R3HDM1: variants seen among roughly 807,000 people sequenced by gnomAD.
R3HDM1 encodes the protein R3H domain containing 1.
Under a neutral mutation model 141.1 loss-of-function variants are expected in R3HDM1, and 46 were observed. The ratio of observed to expected loss-of-function variants is 0.33; its 90% CI spans 0.26 to 0.42. The LOEUF (loss-of-function observed/expected upper bound fraction) is 0.42, where lower values mean the gene tolerates loss of function less well. Ranked by LOEUF, R3HDM1 falls within the 10% of genes least tolerant of loss-of-function variation. R3HDM1 has a pLI of 1.00. For synonymous variants in R3HDM1, 435 were observed against 472.9 expected (o/e 0.92, Z 1.04); for missense variants, 1,184 against 1,368.3 (o/e 0.87, Z 2.12).
rs752980080 is a variant in R3HDM1 at position 135,604,853 on chromosome 2, T to A, written c.8T>A (p.Met3Lys). The part of the protein sequence containing the change: MR[M>K]SDTVTVKDET... ...CGAAAATAACCTTTTCTAATGAGGA[T>A]GTCTGATACTGTTACTGTAAAAGAT... Residue 3 changes from methionine to lysine, a missense_variant, in exon 3 of 27, where the codon ATG (methionine) becomes AAG (lysine). By Grantham distance (95) the Met-to-Lys change is moderately conservative. Around this residue, in one of 5 missense-constraint regions of R3HDM1, gnomAD observed 192 missense variants for 215.7 expected, o/e 0.89. Transcript: ENST00000683871. 4 of 1,612,158 alleles carry A rather than the reference T, an allele frequency of 2.5e-6. 1 individual carries two copies. In the South Asian group the frequency reaches 4.4e-5, roughly 18 times the overall value.
At position 135,648,016 on chromosome 2, in the gene R3HDM1, A is replaced by G. The variant is rs1193364986; in HGVS notation, c.1624-1886A>G. Among the ~76,000 whole-genome samples the G allele has an allele frequency of 2.0e-5, 3 of 152,208 alleles. No individual in the cohort carries two copies. In the East Asian group the frequency reaches 5.8e-4, roughly 29 times the overall value. On this transcript the variant is annotated intron_variant, in intron 16 of 26. Transcript: ENST00000683871. ...CCCAGCTGACTAAAACTTTTGTTTC[A>G]TCTGACACATAGGAGATCAAGTCAT...
intron 9 of R3HDM1, 68 bp downstream of exon 9, chr2:135,632,069 C>T (rs1421870488): frequency 1.6e-6 from 2 of 1,236,986 alleles, no homozygotes; most frequent in Non-Finnish European, 2.1e-6. Context: ...TCTATATTAC[C>T]TTTCATCTGA....
chr2:135,671,905 G>A (rs1424085367), intron 19 of R3HDM1, among the ~76,000 whole-genome samples: 1 of 151,904 alleles, frequency 6.6e-6, no homozygotes, highest in East Asian at 1.9e-4. Context: ...AAACCCAGGA[G>A]GTGGAGGTTG....
intron 1 of R3HDM1, among the ~76,000 whole-genome samples, chr2:135,531,988 T>TCCGAGTCCCTGCCATGGCTGCTGCTGCTG (rs1694895775): frequency 6.6e-6 from 1 of 152,158 alleles, no homozygotes; most frequent in African/African-American, 2.4e-5. Context: ...GGGAAAGGTT[T>TCCGAGTCCCTGCCATGGCTGCTGCTGCTG]CCGAGTCCCT....
chr2:135,568,750 A>G (rs2104986440), intron 1 of R3HDM1: 1 of 152,324 alleles, frequency 6.6e-6, no homozygotes, highest in Middle Eastern at 3.4e-3. Flanking sequence ...AAACACTTCT[A>G]TTCATAGGGC....
chr2:135,652,389 A>G (rs1270252560), intron 18 of R3HDM1, among the ~76,000 whole-genome samples: 3 of 152,220 alleles, frequency 2.0e-5, no homozygotes, highest in African/African-American at 7.2e-5. Context: ...GCACTTTGTG[A>G]GGCTGAGGCT....
Position 135,604,648 on chromosome 2 carries a change from G to A in R3HDM1, c.-40-158G>A, listed in dbSNP as rs2059900702. ...TGTATTGTGATCTTTTTTTTAATTTGGATGTATCTAGCACAAAATTATATA... is the reference window on the plus strand; with the variant it reads ...TGTATTGTGATCTTTTTTTTAATTTAGATGTATCTAGCACAAAATTATATA... On this transcript the variant is annotated intron_variant, in intron 2 of 26. Coordinates refer to ENST00000683871, the MANE Select transcript of R3HDM1 (RefSeq NM_001378107.1). Among the ~76,000 whole-genome samples, 4 of 151,714 alleles carry A rather than the reference G, an allele frequency of 2.6e-5. No individual in the cohort carries two copies. In the South Asian group the frequency reaches 8.3e-4, roughly 32 times the overall value.
chr2:135,717,361 A>G (rs1431834315), intron 24 of R3HDM1, among the ~76,000 whole-genome samples: 2 of 152,152 alleles, frequency 1.3e-5, no homozygotes, highest in East Asian at 1.9e-4. Context: ...GCACATGCCT[A>G]TAATCACAGC....
chr2:135,578,728 A>T (rs1273050689), intron 1 of R3HDM1, among the ~76,000 whole-genome samples: 1 of 152,262 alleles, frequency 6.6e-6, no homozygotes, highest in Non-Finnish European at 1.5e-5. Context: ...TATTGTAAGT[A>T]GTAAATGTGT....
intron 21 of R3HDM1, among the ~76,000 whole-genome samples, chr2:135,683,953 A>AATACATACATACATACATAAATACATAC (rs1553621087): frequency 3.3e-4 from 49 of 147,982 alleles, no homozygotes; most frequent in African/African-American, 1.2e-3. Context: ...CTGTCTCATA[A>AATACATACATACATACATAAATACATAC]ATACATACAT....
intron 1 of R3HDM1, among the ~76,000 whole-genome samples, chr2:135,539,899 T>G (rs1697093108): frequency 6.6e-6 from 1 of 152,064 alleles, no homozygotes; most frequent in African/African-American, 2.4e-5. Flanking sequence ...TATCTGAAAA[T>G]AAGACAACAA....
rs531700074 is a variant in R3HDM1 at position 135,723,755 on chromosome 2, A to C, written c.3050-182A>C. ...TCACACCGCTGCACTCCAGCCTGGG[A>C]GACAGAGTCAGACTCCATCTCCCAA... is the stretch of plus-strand genomic sequence containing the variant. On this transcript the variant is annotated intron_variant, in intron 26 of 26. Transcript: ENST00000683871. 5.4e-5 allele frequency among the ~76,000 whole-genome samples: 7 copies of C among 129,942 alleles called. No homozygotes were observed. In the East Asian group the frequency reaches 1.8e-3, roughly 34 times the overall value. The allele number at this position is 129,942 out of a possible 152,430, so 85.2% of individuals were successfully genotyped here.
At chr2:135,625,401 C>T (rs1439910876) in intron 7 of R3HDM1, among the ~76,000 whole-genome samples, 7 of 152,090 alleles carry the variant, frequency 4.6e-5, no homozygotes, top group Non-Finnish European at 7.4e-5. Flanking sequence ...GCCGAGATCA[C>T]GCCATTGCAC....
rs192873958 is a variant in R3HDM1, at chr2:135,558,886, A to G, written c.-250+27253A>G. On this transcript the variant is annotated intron_variant, in intron 1 of 26. Coordinates refer to ENST00000683871, the MANE Select transcript of R3HDM1 (RefSeq NM_001378107.1). ...GTGTTTTTAAACTTTTAAAATGATA[A>G]TCATCTTCCTTTTAGGATTCCTTAA... Among the ~76,000 whole-genome samples the G allele has an allele frequency of 1.8e-3, 281 of 152,290 alleles. 3 individuals are homozygous for G. Among genetic ancestry groups the G allele is most frequent in the African/African-American group, 6.5e-3 (270 of 41,560 alleles).
intron 19 of R3HDM1, among the ~76,000 whole-genome samples, chr2:135,672,741 G>T (rs749541963): frequency 2.0e-5 from 3 of 152,120 alleles, no homozygotes; most frequent in Non-Finnish European, 4.4e-5. Flanking sequence ...GTGTGTTTGT[G>T]TGTGTGCTTG....
rs1705156938 is a variant in R3HDM1, at chr2:135,575,334, C to T, written c.-249-27166C>T. On this transcript the variant is annotated intron_variant, in intron 1 of 26. Transcript: ENST00000683871. ...AATAGCTGGGATTACAGGCACCTGT[C>T]CCCACACCTGGATATTTTTGTATTT... 2.0e-5 allele frequency among the ~76,000 whole-genome samples: 3 copies of T among 152,332 alleles called. No individual in the cohort carries two copies. In the East Asian group the frequency reaches 5.8e-4, roughly 29 times the overall value.
At chr2:135,631,838 G>T in intron 8 of R3HDM1, 23 bp from the exon 9 acceptor site, 1 of 1,597,304 alleles carries the variant, frequency 6.3e-7, no homozygotes, top group Non-Finnish European at 8.5e-7. Flanking sequence ...GACTTACTAA[G>T]TTGGTTTTTC....
intron 1 of R3HDM1, among the ~76,000 whole-genome samples, chr2:135,599,144 G>C (rs555352127): frequency 6.6e-6 from 1 of 152,012 alleles, no homozygotes; most frequent in Non-Finnish European, 1.5e-5. Flanking sequence ...TTCATTTATG[G>C]TTTCAGGTAA....
intron 1 of R3HDM1, among the ~76,000 whole-genome samples, chr2:135,574,411 G>A (rs1009064230): frequency 1.3e-5 from 2 of 152,188 alleles, no homozygotes; most frequent in Non-Finnish European, 2.9e-5. Flanking sequence ...AATTCTATCA[G>A]ACCTTCAAAG....
Sources: gnomAD v4.1 joint callset for allele counts (sites outside exome capture counted in the v4.1 genomes callset) on GRCh38, gnomAD v4.1.1 for gene constraint, gnomAD v4.1.1 regional missense constraint, MANE v1.5 for transcripts, NCBI Gene and HGNC (gene_info 2026-07-23, HGNC 2026-07-21) for gene names.